SGCZ: variants seen among roughly 807,000 people sequenced by gnomAD.
SGCZ encodes sarcoglycan zeta, also known as zeta-sarcoglycan.
A neutral mutation model predicts 41.3 loss-of-function variants in SGCZ; 40 were observed. The ratio of observed to expected loss-of-function variants is 0.97; its 90% CI spans 0.75 to 1.26. The LOEUF (loss-of-function observed/expected upper bound fraction) is 1.26, where lower values mean the gene tolerates loss of function less well. SGCZ is among the 50% of genes most tolerant of loss of function. The pLI, the probability that SGCZ is intolerant of heterozygous loss-of-function variation, is 0.00. For missense variants in SGCZ, 552 were observed against 369.8 expected, an observed-to-expected ratio of 1.49 and a Z score of -4.04; for synonymous variants, 206 against 137.5, an observed-to-expected ratio of 1.50 and a Z score of -3.49.
chr8:14,850,886 G>C (rs1035064312), intron 1 of SGCZ, among the ~76,000 whole-genome samples: 1 of 152,000 alleles, frequency 6.6e-6, no homozygotes. Flanking sequence ...CTTCCCCTTC[G>C]CCTTCCACCA....
chr8:14,387,194 T>G (rs1197884325), intron 2 of SGCZ, among the ~76,000 whole-genome samples: 1 of 152,146 alleles, frequency 6.6e-6, no homozygotes, highest in Non-Finnish European at 1.5e-5. Flanking sequence ...ACTACATGTG[T>G]GCACCATCAC....
At chr8:15,232,945 C>T (rs935131185) in intron 1 of SGCZ, among the ~76,000 whole-genome samples, 1 of 151,328 alleles carries the variant, frequency 6.6e-6, no homozygotes, top group African/African-American at 2.4e-5. Flanking sequence ...CACAGTATAA[C>T]CCATAAATGT....
At chr8:14,801,787 G>A (rs1456852534) in intron 1 of SGCZ, among the ~76,000 whole-genome samples, 1 of 152,000 alleles carries the variant, frequency 6.6e-6, no homozygotes, top group Non-Finnish European at 1.5e-5. Context: ...AATGTTCTGA[G>A]GTAAGGAAAA....
At chr8:14,322,204 C>A (rs916989153) in intron 3 of SGCZ, among the ~76,000 whole-genome samples, 6 of 152,072 alleles carry the variant, frequency 3.9e-5, no homozygotes, top group African/African-American at 1.4e-4. Flanking sequence ...TCTGTTCTTG[C>A]ACCAGATTTC....
chr8:14,623,658 T>G (rs972250302), intron 1 of SGCZ, among the ~76,000 whole-genome samples: 2 of 152,204 alleles, frequency 1.3e-5, no homozygotes, highest in African/African-American at 4.8e-5. Flanking sequence ...CAATGAGTTA[T>G]GAACAAAAGT....
chr8:14,866,475 G>T (rs753085068), intron 1 of SGCZ, among the ~76,000 whole-genome samples: 1 of 151,988 alleles, frequency 6.6e-6, no homozygotes, highest in Non-Finnish European at 1.5e-5. Flanking sequence ...TGTTTATATG[G>T]TGCTCTTCTT....
At chr8:14,529,982 T>G (rs917871364) in intron 2 of SGCZ, among the ~76,000 whole-genome samples, 2 of 152,148 alleles carry the variant, frequency 1.3e-5, no homozygotes, top group African/African-American at 4.8e-5. Flanking sequence ...GCACAAGTGC[T>G]GCATAATACA....
At chr8:14,466,103 T>C (rs1801042072) in intron 2 of SGCZ, among the ~76,000 whole-genome samples, 1 of 151,958 alleles carries the variant, frequency 6.6e-6, no homozygotes, top group East Asian at 1.9e-4. Flanking sequence ...TTTCTTTTAT[T>C]CCACCCTGAT....
chr8:14,456,914 G>T (rs1353663947), intron 2 of SGCZ, among the ~76,000 whole-genome samples: 1 of 152,010 alleles, frequency 6.6e-6, no homozygotes, highest in South Asian at 2.1e-4. Flanking sequence ...TCTCTCTCTT[G>T]CTTTTTCAGT....
At chr8:14,343,179 T>C (rs570510001) in intron 2 of SGCZ, among the ~76,000 whole-genome samples, 5 of 152,228 alleles carry the variant, frequency 3.3e-5, no homozygotes, top group African/African-American at 7.2e-5. Context: ...AGGCAAAAGT[T>C]TGCTGCATGG....
At chr8:15,180,347 C>T (rs1234939836) in intron 1 of SGCZ, among the ~76,000 whole-genome samples, 2 of 152,180 alleles carry the variant, frequency 1.3e-5, no homozygotes, top group African/African-American at 2.4e-5. Context: ...ACTGAAGACA[C>T]TTTAACATGT....
At chr8:14,345,390 T>C (rs1243031553) in intron 2 of SGCZ, among the ~76,000 whole-genome samples, 1 of 152,142 alleles carries the variant, frequency 6.6e-6, no homozygotes, top group Non-Finnish European at 1.5e-5. Flanking sequence ...GATATATGTA[T>C]GTCCTCTGAC....
chr8:15,117,401 T>A (rs540403369), intron 1 of SGCZ, among the ~76,000 whole-genome samples: 3 of 152,134 alleles, frequency 2.0e-5, no homozygotes, highest in Non-Finnish European at 4.4e-5. Context: ...TCTAATGTGC[T>A]GGGCATTGAT....
At chr8:14,750,635 A>C (rs113003120) in intron 1 of SGCZ, among the ~76,000 whole-genome samples, 3 of 152,266 alleles carry the variant, frequency 2.0e-5, no homozygotes, top group African/African-American at 7.2e-5. Flanking sequence ...TTAAACATGA[A>C]AGAAGACAGG....
chr8:14,551,816 CA>C lies in SGCZ; in HGVS notation c.234+2915del, dbSNP rs750932071. 3.1e-4 allele frequency among the ~76,000 whole-genome samples: 42 copies of C among 136,142 alleles called. 1 individual carries two copies. The East Asian group carries it at 4.2e-3, about 14-fold the overall frequency. 89.3% of individuals were successfully genotyped at this position (136,142 alleles called of 152,430 possible). ...TTTATTTTCTAAAAAATGAAAAACACAAATTATTTCCAAAAACACAAGGGCA... is the reference window on the plus strand; with the variant it reads ...TTTATTTTCTAAAAAATGAAAAACACAATTATTTCCAAAAACACAAGGGCA... On this transcript the variant is annotated intron_variant, in intron 2 of 7. Coordinates refer to ENST00000382080, the MANE Select transcript of SGCZ (RefSeq NM_139167.4).
chr8:14,463,580 G>C (rs1038180985), intron 2 of SGCZ, among the ~76,000 whole-genome samples: 5 of 151,480 alleles, frequency 3.3e-5, no homozygotes, highest in African/African-American at 1.2e-4. Context: ...CACTGGATTT[G>C]GTAATGATTT....
chr8:14,736,976 A>C (rs531949484), intron 1 of SGCZ, among the ~76,000 whole-genome samples: 1 of 151,634 alleles, frequency 6.6e-6, no homozygotes, highest in African/African-American at 2.4e-5. Context: ...AACCAAACCA[A>C]ATCCACATCA....
chr8:14,237,464 C>A (rs1390113010), intron 4 of SGCZ, 128 bp downstream of exon 4: 1 of 857,456 alleles, frequency 1.2e-6, no homozygotes, highest in African/African-American at 1.7e-5. Context: ...AGCCTGGTGA[C>A]AGAGTGAGAC....
chr8:14,222,640 T>A (rs1005609991), intron 4 of SGCZ, among the ~76,000 whole-genome samples: 1 of 152,050 alleles, frequency 6.6e-6, no homozygotes, highest in African/African-American at 2.4e-5. Context: ...TTATTTATTG[T>A]TTTGAATCGA....
Sources: gnomAD v4.1 joint callset for allele counts (sites outside exome capture counted in the v4.1 genomes callset) on GRCh38, gnomAD v4.1.1 for gene constraint, MANE v1.5 for transcripts, NCBI Gene and HGNC (gene_info 2026-07-23, HGNC 2026-07-21) for gene names.